Variants in CCND3 observed in about 807,000 individuals in gnomAD.
CCND3 encodes the protein G1/S-specific cyclin-D3.
A neutral mutation model predicts 28.7 loss-of-function variants in CCND3; 9 were observed. The observed-to-expected ratio is 0.31, with a 90% confidence interval of 0.19 to 0.55. The LOEUF (loss-of-function observed/expected upper bound fraction) is 0.55. Among genes scored for constraint, CCND3 ranks in the 20% least tolerant of loss-of-function variants. The pLI is 0.93. For synonymous variants in CCND3, 164 were observed against 163.9 expected (o/e 1.00, Z 0.00); for missense variants, 315 against 385.8 (o/e 0.82, Z 1.54).
chr6:42,020,453 T>C (rs1309653294), intron 1 of CCND3, among the ~76,000 whole-genome samples: 2 of 152,188 alleles, frequency 1.3e-5, no homozygotes, highest in Non-Finnish European at 2.9e-5. Context: ...GGAAGGACTC[T>C]GTATGGTTCC....
chr6:41,963,346 G>T (rs1477852719), intron 1 of CCND3, among the ~76,000 whole-genome samples: 1 of 152,238 alleles, frequency 6.6e-6, no homozygotes, highest in Non-Finnish European at 1.5e-5. Flanking sequence ...AGACACACAG[G>T]TTGCCCACAG....
At chr6:42,045,490 C>G (rs1764513621) in intron 1 of CCND3, among the ~76,000 whole-genome samples, 1 of 152,172 alleles carries the variant, frequency 6.6e-6, no homozygotes, top group Non-Finnish European at 1.5e-5. Context: ...CCATTCAGCT[C>G]CTAAGTGGCA....
chr6:41,943,416 C>A (rs765769892), upstream of CCND3, among the ~76,000 whole-genome samples: 17 of 152,140 alleles, frequency 1.1e-4, no homozygotes, highest in Admixed American at 2.0e-4. Flanking sequence ...ATACTGTTAA[C>A]ACTTTTCCAT....
At chr6:41,951,976 G>GA (rs769006747) in intron 1 of CCND3, among the ~76,000 whole-genome samples, 72 of 152,060 alleles carry the variant, frequency 4.7e-4, no homozygotes, top group Non-Finnish European at 8.8e-4. Context: ...TGGCCAGGCT[G>GA]GTCTTGAACT....
intron 1 of CCND3, among the ~76,000 whole-genome samples, chr6:42,004,223 T>C (rs1296936489): frequency 3.3e-5 from 5 of 151,496 alleles, no homozygotes; most frequent in African/African-American, 1.2e-4. Context: ...ACTCAGCCTC[T>C]CCAGTAGCTG....
At chr6:41,992,332 T>C (rs2127416728) in intron 1 of CCND3, among the ~76,000 whole-genome samples, 1 of 151,854 alleles carries the variant, frequency 6.6e-6, no homozygotes, top group East Asian at 1.9e-4. Flanking sequence ...CCGGCTAATT[T>C]TTGCATTTTT....
rs1157636259 is a variant in CCND3 at position 41,941,311 on chromosome 6, C to A, written c.198+141G>T. The A allele has an allele frequency of 6.8e-7, 1 of 1,467,088 alleles. No individual in the cohort carries two copies. Among genetic ancestry groups the A allele is most frequent in the Non-Finnish European group, 9.0e-7 (1 of 1,111,538 alleles). 90.9% of individuals were successfully genotyped at this position (1,467,088 alleles called of 1,614,324 possible). A position where few individuals can be genotyped will look rare whatever the true frequency, so the allele number is the denominator to read the frequency against. The stretch of plus-strand genomic sequence containing the variant: ...CAAGGGAGGCAGCTGGCGTGGGTGC[C>A]CTAGTGAAAGGCCAGGCCCCGGGAG... On this transcript the variant is annotated intron_variant, in intron 1 of 4. Transcript: ENST00000372991. This position sits in a 1 kb window ranked among gnomAD's most constrained non-coding sequence, Gnocchi z 6.1.
intron 1 of CCND3, among the ~76,000 whole-genome samples, chr6:42,047,167 C>T (rs1224499415): frequency 6.6e-6 from 1 of 152,168 alleles, no homozygotes; most frequent in Non-Finnish European, 1.5e-5. Flanking sequence ...ATGTTTGGGA[C>T]CATGGAGGTC....
intron 1 of CCND3, among the ~76,000 whole-genome samples, chr6:42,040,276 G>A (rs1418829125): frequency 6.6e-6 from 1 of 152,078 alleles, no homozygotes; most frequent in Non-Finnish European, 1.5e-5. Context: ...AAATTAGCTG[G>A]GCATGGTGGT....
chr6:42,036,000 G>A (rs115195806), intron 1 of CCND3, among the ~76,000 whole-genome samples: 9 of 147,384 alleles, frequency 6.1e-5, no homozygotes. Context: ...ATTATTTTGG[G>A]TTTTTTTTGA....
rs1195240518 is a variant in CCND3, at chr6:41,936,533, C to CT, written c.711+25dup. 6.2e-7 allele frequency: 1 copy of CT among 1,612,594 alleles called. No homozygotes were observed. Among genetic ancestry groups the CT allele is most frequent in the South Asian group, 1.1e-5 (1 of 90,950 alleles). ...TAGCACTACTTTATGAATGGAGAGG[C>CT]TGCTGCCCAGCTACCCAGCACTCAC... On this transcript the variant is annotated intron_variant, in intron 4 of 4. Coordinates refer to ENST00000372991, the MANE Select transcript of CCND3 (RefSeq NM_001760.5). This position sits in a 1 kb window ranked among gnomAD's most constrained non-coding sequence, Gnocchi z 4.4.
intron 1 of CCND3, among the ~76,000 whole-genome samples, chr6:41,985,192 C>T (rs1204855943): frequency 2.0e-5 from 3 of 151,704 alleles, no homozygotes; most frequent in Non-Finnish European, 4.4e-5. Context: ...GTTGCCTGTC[C>T]TATGTCATTA....
chr6:41,940,576 C>T lies in CCND3; in HGVS notation c.208G>A (p.Glu70Lys). The T allele has an allele frequency of 6.2e-7, 1 of 1,613,076 alleles. No homozygotes were observed. Among genetic ancestry groups the T allele is most frequent in the Non-Finnish European group, 8.5e-7 (1 of 1,179,482 alleles). ...LAYWMLEVCE[E>K]QRCEEEVFPL... ...AAGACTTCCTCCTCACAGCGCTGCT[C>T]CTCACATACCTGGGGGAGGGCGCAC... The change falls in exon 2 of 5, where the codon GAG (glutamate) becomes AAG (lysine). Residue 70 changes from glutamate (E) to lysine (K), a missense_variant. Transcript: ENST00000372991.
intron 1 of CCND3, among the ~76,000 whole-genome samples, chr6:42,009,388 G>C (rs952280122): frequency 6.6e-6 from 1 of 152,182 alleles, no homozygotes; most frequent in African/African-American, 2.4e-5. Flanking sequence ...GAGGCTGGTG[G>C]GTCACCTGAG....
chr6:42,014,209 CA>C (rs1192856424), intron 1 of CCND3, among the ~76,000 whole-genome samples: 1 of 140,154 alleles, frequency 7.1e-6, no homozygotes, highest in Non-Finnish European at 1.5e-5. Flanking sequence ...ACCAAAAATA[CA>C]AAAAAAATTA....
At chr6:41,954,181 G>A (rs1346439953) in intron 1 of CCND3, among the ~76,000 whole-genome samples, 6 of 147,042 alleles carry the variant, frequency 4.1e-5, no homozygotes, top group Non-Finnish European at 7.5e-5. Flanking sequence ...AACCTGGGAG[G>A]CGGAGGTTGT....
intron 1 of CCND3, among the ~76,000 whole-genome samples, chr6:41,955,778 C>T (rs1776422265): frequency 6.7e-6 from 1 of 150,116 alleles, no homozygotes; most frequent in Admixed American, 6.7e-5. Flanking sequence ...CCTGTCTCTA[C>T]AAAAAAAAAT....
chr6:42,045,023 C>T (rs1217472775), intron 1 of CCND3, among the ~76,000 whole-genome samples: 1 of 140,772 alleles, frequency 7.1e-6, no homozygotes, highest in African/African-American at 2.7e-5. Flanking sequence ...TCAGGCTGGT[C>T]TCGAACTGCT....
At chr6:42,015,864 C>T (rs1265263556) in intron 1 of CCND3, among the ~76,000 whole-genome samples, 1 of 151,788 alleles carries the variant, frequency 6.6e-6, no homozygotes, top group Non-Finnish European at 1.5e-5. Context: ...TTTTTGTGTG[C>T]GTGGTGAGAA....
Sources: gnomAD v4.1 joint callset for allele counts (sites outside exome capture counted in the v4.1 genomes callset) on GRCh38, gnomAD v4.1.1 for gene constraint, Gnocchi (gnomAD v3.1) non-coding constraint, MANE v1.5 for transcripts, NCBI Gene and HGNC (gene_info 2026-07-23, HGNC 2026-07-21) for gene names.